The following FBXO4 variants were observed in gnomAD, a reference collection of about 807,000 sequenced individuals.
FBXO4 encodes the protein F-box only protein 4.
A neutral mutation model predicts 43.7 loss-of-function variants in FBXO4; 36 were observed. The ratio of observed to expected loss-of-function variants is 0.82; its 90% CI spans 0.63 to 1.09. The LOEUF is 1.09. Ranked by LOEUF, FBXO4 falls within the 50% of genes least tolerant of loss-of-function variation. The pLI is 0.00. For synonymous variants in FBXO4, 180 were observed against 165.6 expected, an observed-to-expected ratio of 1.09 and a Z score of -0.67; for missense variants, 435 against 474.1, an observed-to-expected ratio of 0.92 and a Z score of 0.77.
chr5:41,936,904 GT>G (rs200215201), intron 5 of FBXO4, among the ~76,000 whole-genome samples: 10 of 147,706 alleles, frequency 6.8e-5, no homozygotes, highest in African/African-American at 7.4e-5. Context: ...CAGTTTTTTT[GT>G]TTTTTTTTTA....
At chr5:42,006,783 T>A in the FBXO4 span, among the ~76,000 whole-genome samples, 4 of 150,632 alleles carry the variant, frequency 2.7e-5, no homozygotes, top group African/African-American at 9.8e-5. Flanking sequence ...TTCACTTTGG[T>A]TCTGTTGAAG....
chr5:41,971,937 C>T, the FBXO4 span, among the ~76,000 whole-genome samples: 6 of 151,918 alleles, frequency 3.9e-5, no homozygotes, highest in Non-Finnish European at 7.4e-5. Context: ...CAGTTCTATA[C>T]CCCAAAGTGA....
At chr5:41,944,739 A>G (rs1274532313), downstream of FBXO4, among the ~76,000 whole-genome samples, 1 of 152,218 alleles carries the variant, frequency 6.6e-6, no homozygotes, top group Admixed American at 6.5e-5. Flanking sequence ...AAACAACAGC[A>G]ATTTAGAGCC....
the FBXO4 span, among the ~76,000 whole-genome samples, chr5:41,956,213 TTCAAGAAGC>T: frequency 1.3e-5 from 2 of 152,172 alleles, no homozygotes; most frequent in African/African-American, 4.8e-5. Context: ...ACACCCTATG[TTCAAGAAGC>T]TGGAGTAAGG....
chr5:42,012,583 T>G, the FBXO4 span, among the ~76,000 whole-genome samples: 1 of 152,110 alleles, frequency 6.6e-6, no homozygotes, highest in Non-Finnish European at 1.5e-5. Context: ...GTGTTTGGCT[T>G]CTAGAATGCT....
At position 41,925,292 on chromosome 5, in the gene FBXO4, C is replaced by A. The variant is rs1373584843; in HGVS notation, c.-18C>A. ...CTAGCGTGGCTCTAAGACGCGTCACCCACGCTGCGGGCAAGCCATGGCGGG... is the reference window on the plus strand; with the variant it reads ...CTAGCGTGGCTCTAAGACGCGTCACACACGCTGCGGGCAAGCCATGGCGGG... On this transcript the variant is annotated 5_prime_UTR_variant, in exon 1 of 7. Transcript: ENST00000281623. 1 of 1,325,230 alleles carries A rather than the reference C, an allele frequency of 7.5e-7. No individual in the cohort carries two copies. The highest frequency in any genetic ancestry group is 1.5e-5 in the African/African-American group (1 of 64,994). 82.1% of individuals were successfully genotyped at this position (1,325,230 alleles called of 1,614,324 possible).
the FBXO4 span, among the ~76,000 whole-genome samples, chr5:41,963,159 T>C: frequency 6.6e-6 from 1 of 152,046 alleles, no homozygotes; most frequent in Non-Finnish European, 1.5e-5. Context: ...TAAATGATCA[T>C]TTTTCTCTTT....
At chr5:41,953,366 T>C in the FBXO4 span, among the ~76,000 whole-genome samples, 1 of 151,934 alleles carries the variant, frequency 6.6e-6, no homozygotes, top group Admixed American at 6.6e-5. Flanking sequence ...GTGGTGTATA[T>C]GTGCCACATT....
chr5:42,021,953 A>C, the FBXO4 span, among the ~76,000 whole-genome samples: 1 of 152,178 alleles, frequency 6.6e-6, no homozygotes, highest in Non-Finnish European at 1.5e-5. Flanking sequence ...TGGTGAGAGC[A>C]AGGACAAACT....
the FBXO4 span, among the ~76,000 whole-genome samples, chr5:41,974,880 T>G: frequency 1.3e-5 from 2 of 152,170 alleles, no homozygotes; most frequent in Non-Finnish European, 2.9e-5. Context: ...TAGGAAATAA[T>G]GGTTTTTATT....
At chr5:42,029,693 A>T in the FBXO4 span, among the ~76,000 whole-genome samples, 1 of 151,704 alleles carries the variant, frequency 6.6e-6, no homozygotes, top group Non-Finnish European at 1.5e-5. Flanking sequence ...TCCTGACTCC[A>T]AGCTCACTAA....
chr5:42,031,426 A>T, the FBXO4 span, among the ~76,000 whole-genome samples: 10 of 134,576 alleles, frequency 7.4e-5, no homozygotes, highest in Admixed American at 6.7e-4. Flanking sequence ...ACATGGACAC[A>T]GGAAGGGGAA....
At chr5:42,017,994 A>G in the FBXO4 span, among the ~76,000 whole-genome samples, 1 of 151,832 alleles carries the variant, frequency 6.6e-6, no homozygotes, top group Non-Finnish European at 1.5e-5. Flanking sequence ...GTAGTTTTAA[A>G]AAGATTTAGA....
At chr5:41,963,673 A>T in the FBXO4 span, among the ~76,000 whole-genome samples, 1 of 152,232 alleles carries the variant, frequency 6.6e-6, no homozygotes, top group Non-Finnish European at 1.5e-5. Context: ...ATTAAGTGGA[A>T]GTGAATCATC....
chr5:42,026,109 A>G, the FBXO4 span, among the ~76,000 whole-genome samples: 1 of 151,914 alleles, frequency 6.6e-6, no homozygotes, highest in Non-Finnish European at 1.5e-5. Flanking sequence ...AATTGCATTG[A>G]TTCTGTAGAT....
intron 1 of FBXO4, among the ~76,000 whole-genome samples, chr5:41,926,048 T>A (rs1751485099): frequency 6.6e-6 from 1 of 152,152 alleles, no homozygotes; most frequent in African/African-American, 2.4e-5. Flanking sequence ...TCAAGTTACA[T>A]CAAGGCCACG....
the FBXO4 span, among the ~76,000 whole-genome samples, chr5:41,946,804 C>G: frequency 8.5e-5 from 13 of 152,200 alleles, no homozygotes; most frequent in African/African-American, 2.9e-4. Flanking sequence ...TCAGAAGGTT[C>G]AATAGAAGAC....
the FBXO4 span, among the ~76,000 whole-genome samples, chr5:42,027,325 AC>A: frequency 0.37 from 56,417 of 151,162 alleles, 12,686 homozygotes; most frequent in African/African-American, 0.64. Flanking sequence ...TTCCCAATTA[AC>A]TATGAGCATA....
At chr5:42,034,155 A>T in the FBXO4 span, among the ~76,000 whole-genome samples, 2 of 152,130 alleles carry the variant, frequency 1.3e-5, no homozygotes, top group Admixed American at 6.5e-5. Context: ...GGCTGCATAA[A>T]TGTCTTCTTT....
Sources: allele counts gnomAD v4.1 joint callset (sites outside exome capture counted in the v4.1 genomes callset), GRCh38; gene constraint gnomAD v4.1.1; transcripts MANE v1.5; gene names NCBI Gene and HGNC (gene_info 2026-07-23, HGNC 2026-07-21).